The following PCDHGA2 variants were observed in gnomAD, a reference collection of about 807,000 sequenced individuals.
PCDHGA2 encodes protocadherin gamma-A2.
PCDHGA2 carries 40 observed loss-of-function variants against 59.2 expected under a neutral mutation model. The ratio of observed to expected loss-of-function variants is 0.68; its 90% CI spans 0.52 to 0.88. PCDHGA2 has a LOEUF of 0.88. Among genes scored for constraint, PCDHGA2 ranks in the 40% least tolerant of loss-of-function variants. The pLI, the probability that PCDHGA2 is intolerant of heterozygous loss-of-function variation, is 0.00. For missense variants in PCDHGA2, 1,226 were observed against 1,204.0 expected (o/e 1.02, Z -0.27); for synonymous variants, 560 against 526.0 (o/e 1.06, Z -0.89).
chr5:141,431,776 C>T lies in PCDHGA2; in HGVS notation c.2425-63031C>T. 6.2e-7 allele frequency: 1 copy of T among 1,614,228 alleles called. No individual in the cohort carries two copies. The stretch of plus-strand genomic sequence containing the variant: ...CCAAAGTCCTGATCACTGTTCTGGA[C>T]GTGAACGACAATGCCCCAGAAGTGG... On this transcript the variant is annotated intron_variant, in intron 1 of 3. Coordinates refer to ENST00000394576, the MANE Select transcript of PCDHGA2 (RefSeq NM_018915.4). The surrounding 1 kb of genome is among the most constrained non-coding windows in gnomAD (Gnocchi z 4.8).
chr5:141,454,575 T>G (rs1430018751), intron 1 of PCDHGA2, among the ~76,000 whole-genome samples: 1 of 151,400 alleles, frequency 6.6e-6, no homozygotes, highest in African/African-American at 2.4e-5. Context: ...CCCGGCTAAT[T>G]TTGTATTTTT....
rs1488446232 is a variant in PCDHGA2, at chr5:141,493,171, A to G, written c.2425-1636A>G. On this transcript the variant is annotated intron_variant, in intron 1 of 3. Coordinates refer to ENST00000394576, the MANE Select transcript of PCDHGA2 (RefSeq NM_018915.4). This position sits in a 1 kb window ranked among gnomAD's most constrained non-coding sequence, Gnocchi z 4.3. ...GGTGATTTTGATAGCTGATTGAGAG[A>G]AACTTACTATATAACTCCTTTGAGA... is the stretch of plus-strand genomic sequence containing the variant. 6.6e-6 allele frequency among the ~76,000 whole-genome samples: 1 copy of G among 152,214 alleles called. No homozygotes were observed. The highest frequency in any genetic ancestry group is 1.5e-5 in the Non-Finnish European group (1 of 68,034).
At chr5:141,366,221 G>T (rs774963460) in intron 1 of PCDHGA2, 4 of 1,613,716 alleles carry the variant, frequency 2.5e-6, no homozygotes, top group African/African-American at 2.7e-5. Context: ...CACAGCGCGA[G>T]CCCTGCTGGA....
intron 1 of PCDHGA2, chr5:141,478,713 G>A (rs745990290): frequency 1.9e-6 from 3 of 1,546,642 alleles, no homozygotes; most frequent in African/African-American, 2.7e-5. Context: ...TTGTGAGATG[G>A]TGGCCTGCCA....
intron 1 of PCDHGA2, chr5:141,391,383 G>T (rs1344096934): frequency 3.3e-5 from 5 of 150,356 alleles, no homozygotes; most frequent in African/African-American, 9.8e-5. Context: ...CACAATGATA[G>T]CTCCCTCCAG....
chr5:141,431,991 A>T lies in PCDHGA2; in HGVS notation c.2425-62816A>T, dbSNP rs1046547219. On this transcript the variant is annotated intron_variant, in intron 1 of 3. Transcript: ENST00000394576. The surrounding 1 kb of genome is among the most constrained non-coding windows in gnomAD (Gnocchi z 4.8). ...AGTTTAGTCACAGACATAGTCTTGG[A>T]TAGGGAACAGGTTCCTAGCTACAAC... is the stretch of plus-strand genomic sequence containing the variant. 5 of 1,614,100 alleles carry T rather than the reference A, an allele frequency of 3.1e-6. No individual in the cohort carries two copies. Among genetic ancestry groups the T allele is most frequent in the Non-Finnish European group, 3.4e-6 (4 of 1,180,050 alleles).
intron 1 of PCDHGA2, chr5:141,387,564 A>G: frequency 4.5e-6 from 2 of 442,524 alleles, no homozygotes; most frequent in Non-Finnish European, 8.0e-6. Context: ...TAGGCACACA[A>G]TTATAATTAT....
At position 141,508,670 on chromosome 5, in the gene PCDHGA2, C is replaced by A. The variant is rs184838473; in HGVS notation, c.2573-2277C>A. The stretch of plus-strand genomic sequence containing the variant: ...GGCCCTTCCTGTCATTCTGTCTCTG[C>A]CTCCCTTCTCCCTGCTTCTCCGTGT... On this transcript the variant is annotated intron_variant, in intron 3 of 3. Coordinates refer to ENST00000394576, the MANE Select transcript of PCDHGA2 (RefSeq NM_018915.4). Among the ~76,000 whole-genome samples the A allele has an allele frequency of 3.7e-3, 564 of 152,202 alleles. 5 individuals are homozygous for A. The highest frequency in any genetic ancestry group is 0.011 in the Admixed American group (164 of 15,294).
At chr5:141,483,179 G>C (rs2099577971) in intron 1 of PCDHGA2, among the ~76,000 whole-genome samples, 2 of 152,294 alleles carry the variant, frequency 1.3e-5, no homozygotes, top group African/African-American at 4.8e-5. Flanking sequence ...TTTGGGCCAA[G>C]CCAAGGAGTT....
intron 1 of PCDHGA2, chr5:141,378,086 T>G (rs1774615238): frequency 6.6e-6 from 1 of 150,862 alleles, no homozygotes. Context: ...TTTTATAACT[T>G]TTTTTCAAAC....
At position 141,343,906 on chromosome 5, in the gene PCDHGA2, C is replaced by G. The variant is rs1279662947; in HGVS notation, c.2424+2511C>G. 5.7e-6 allele frequency: 5 copies of G among 870,304 alleles called. No homozygotes were observed. In the African/African-American group the frequency reaches 6.8e-5, roughly 12 times the overall value. The allele number at this position is 870,304 out of a possible 1,614,324, so 53.9% of individuals were successfully genotyped here. On this transcript the variant is annotated intron_variant, in intron 1 of 3. Coordinates refer to ENST00000394576, the MANE Select transcript of PCDHGA2 (RefSeq NM_018915.4). Reference sequence around the variant, plus strand: ...TCCGGGGCGGCTGCCAACCTCACCTCTTAGTCAACCAGCTGTTTGACCTGT... The same window carrying G: ...TCCGGGGCGGCTGCCAACCTCACCTGTTAGTCAACCAGCTGTTTGACCTGT...
intron 1 of PCDHGA2, chr5:141,371,032 C>G (rs547337082): frequency 6.2e-7 from 1 of 1,614,002 alleles, no homozygotes; most frequent in South Asian, 1.1e-5. Context: ...CTGGTCCTCA[C>G]AGCTGTGGAT....
chr5:141,356,202 G>C, intron 1 of PCDHGA2: 1 of 1,607,648 alleles, frequency 6.2e-7, no homozygotes, highest in Non-Finnish European at 8.5e-7. Flanking sequence ...GCAAGGTACT[G>C]GTGACAGTTC....
At chr5:141,403,083 T>A (rs775664314) in intron 1 of PCDHGA2, 2 of 1,613,932 alleles carry the variant, frequency 1.2e-6, no homozygotes, top group East Asian at 4.5e-5. Flanking sequence ...AAGGGCTATA[T>A]TGTGGGCAAC....
chr5:141,478,420 C>A, intron 1 of PCDHGA2: 1 of 1,613,676 alleles, frequency 6.2e-7, no homozygotes, highest in Non-Finnish European at 8.5e-7. Context: ...ACTCCCGCCG[C>A]AGCGACCCGC....
chr5:141,473,079 A>G (rs1389177835), intron 1 of PCDHGA2, among the ~76,000 whole-genome samples: 2 of 152,086 alleles, frequency 1.3e-5, no homozygotes, highest in African/African-American at 4.8e-5. Flanking sequence ...ATCTTTGTTT[A>G]TTATCCACTG....
In PCDHGA2 at chr5:141,487,265, G is replaced by A; in HGVS notation, c.2425-7542G>A. 2 of 1,614,158 alleles carry A rather than the reference G, an allele frequency of 1.2e-6. 1 individual carries two copies. Among genetic ancestry groups the A allele is most frequent in the South Asian group, 2.2e-5 (2 of 91,084 alleles). On this transcript the variant is annotated intron_variant, in intron 1 of 3. Transcript: ENST00000394576. The surrounding 1 kb of genome is among the most constrained non-coding windows in gnomAD (Gnocchi z 5.0). Reference sequence around the variant, plus strand: ...AACCCTCTACTTGGCTGTGTCCCTAGTGGCAATTTGCTTTGTCTCCTTTGG... The same window carrying A: ...AACCCTCTACTTGGCTGTGTCCCTAATGGCAATTTGCTTTGTCTCCTTTGG...
At position 141,489,657 on chromosome 5, in the gene PCDHGA2, G is replaced by T. The variant is rs755618175; in HGVS notation, c.2425-5150G>T. 6.2e-7 allele frequency: 1 copy of T among 1,614,198 alleles called. No individual in the cohort carries two copies. Among genetic ancestry groups the T allele is most frequent in the Admixed American group, 1.7e-5 (1 of 60,030 alleles). ...CTAGCTTTGCCACCCCTGAGCGAGA[G>T]ATGCGCATCTCAGAATCAGCAGCAT... On this transcript the variant is annotated intron_variant, in intron 1 of 3. Coordinates refer to ENST00000394576, the MANE Select transcript of PCDHGA2 (RefSeq NM_018915.4). This position sits in a 1 kb window ranked among gnomAD's most constrained non-coding sequence, Gnocchi z 4.5.
In PCDHGA2 at chr5:141,408,872, G is replaced by T. The variant is rs752537671; in HGVS notation, c.2424+67477G>T. 3.1e-6 allele frequency: 5 copies of T among 1,613,448 alleles called. No individual in the cohort carries two copies. The highest frequency in any genetic ancestry group is 4.2e-6 in the Non-Finnish European group (5 of 1,179,760). Reference sequence around the variant, plus strand: ...GGACGGAGGGGACCCACCAAGAAGTGCCACCGCTCACATAGAAATTTCTGT... The same window carrying T: ...GGACGGAGGGGACCCACCAAGAAGTTCCACCGCTCACATAGAAATTTCTGT... On this transcript the variant is annotated intron_variant, in intron 1 of 3. Transcript: ENST00000394576.
Sources: gnomAD v4.1 joint callset for allele counts (sites outside exome capture counted in the v4.1 genomes callset) on GRCh38, gnomAD v4.1.1 for gene constraint, Gnocchi (gnomAD v3.1) non-coding constraint, MANE v1.5 for transcripts, NCBI Gene and HGNC (gene_info 2026-07-23, HGNC 2026-07-21) for gene names.